SMYD3: variants seen among roughly 807,000 people sequenced by gnomAD.
SMYD3 encodes the protein histone-lysine N-methyltransferase SMYD3.
Under a neutral mutation model 57.7 loss-of-function variants are expected in SMYD3, and 36 were observed. The ratio of observed to expected loss-of-function variants is 0.62; its 90% CI spans 0.48 to 0.82. The LOEUF (loss-of-function observed/expected upper bound fraction) is 0.82, where lower values mean the gene tolerates loss of function less well. SMYD3 is among the 40% of genes least tolerant of loss of function. SMYD3 has a pLI of 0.00. For synonymous variants in SMYD3, 211 were observed against 195.0 expected, an observed-to-expected ratio of 1.08 and a Z score of -0.68; for missense variants, 515 against 538.8, an observed-to-expected ratio of 0.96 and a Z score of 0.44.
At chr1:246,071,263 T>TGG (rs1270353378) in intron 5 of SMYD3, among the ~76,000 whole-genome samples, 1 of 150,932 alleles carries the variant, frequency 6.6e-6, no homozygotes, top group African/African-American at 2.4e-5. Flanking sequence ...ATTGTGGGAG[T>TGG]GGGGATGTGT....
intron 5 of SMYD3, among the ~76,000 whole-genome samples, chr1:246,114,053 C>A: frequency 6.6e-6 from 1 of 152,146 alleles, no homozygotes; most frequent in East Asian, 1.9e-4. Flanking sequence ...CATAGTGAAG[C>A]CTACAACTTA....
intron 5 of SMYD3, among the ~76,000 whole-genome samples, chr1:246,284,165 A>G (rs1488046325): frequency 1.3e-5 from 2 of 152,160 alleles, no homozygotes; most frequent in African/African-American, 2.4e-5. Flanking sequence ...CAGATGCTGC[A>G]TATCAGCTAC....
At chr1:246,126,165 C>T (rs951348804) in intron 5 of SMYD3, among the ~76,000 whole-genome samples, 2 of 152,190 alleles carry the variant, frequency 1.3e-5, no homozygotes, top group African/African-American at 4.8e-5. Flanking sequence ...TGGACAGGAT[C>T]CCCATCTGGG....
chr1:245,881,599 G>A (rs1333671797), intron 8 of SMYD3, among the ~76,000 whole-genome samples: 1 of 152,106 alleles, frequency 6.6e-6, no homozygotes, highest in East Asian at 1.9e-4. Flanking sequence ...CACTGTATTG[G>A]GCACTGAGGA....
intron 5 of SMYD3, chr1:245,953,313 C>T: frequency 1.0e-6 from 1 of 996,142 alleles, no homozygotes; most frequent in Non-Finnish European, 1.2e-6. Flanking sequence ...CCAACTAGAC[C>T]AAAATCTTTC....
intron 5 of SMYD3, among the ~76,000 whole-genome samples, chr1:246,228,574 C>A (rs1327846680): frequency 6.6e-6 from 1 of 152,142 alleles, no homozygotes; most frequent in East Asian, 1.9e-4. Flanking sequence ...ATAGGTCAAG[C>A]TGACAGCAGC....
chr1:245,987,741 GGCACTTAA>G (rs2058731428), intron 5 of SMYD3, among the ~76,000 whole-genome samples: 1 of 152,126 alleles, frequency 6.6e-6, no homozygotes, highest in Non-Finnish European at 1.5e-5. Context: ...CCAAAGTCCC[GGCACTTAA>G]GCACCACACT....
At chr1:246,265,100 T>C (rs2064079352) in intron 5 of SMYD3, among the ~76,000 whole-genome samples, 1 of 152,236 alleles carries the variant, frequency 6.6e-6, no homozygotes, top group Non-Finnish European at 1.5e-5. Flanking sequence ...CACTGTTCTT[T>C]ATTGACAATG....
chr1:245,965,108 G>A (rs921801429), intron 5 of SMYD3, among the ~76,000 whole-genome samples: 1 of 152,070 alleles, frequency 6.6e-6, no homozygotes, highest in African/African-American at 2.4e-5. Context: ...ATACTTCAGT[G>A]GAGGTAAAAG....
At chr1:245,913,279 A>G (rs979403489) in intron 8 of SMYD3, among the ~76,000 whole-genome samples, 2 of 151,114 alleles carry the variant, frequency 1.3e-5, no homozygotes, top group East Asian at 1.9e-4. Context: ...ACCAAACACC[A>G]CATGTTCTCA....
At chr1:245,911,448 A>C (rs1172367770) in intron 8 of SMYD3, among the ~76,000 whole-genome samples, 3 of 151,994 alleles carry the variant, frequency 2.0e-5, no homozygotes, top group Non-Finnish European at 4.4e-5. Flanking sequence ...AAAATAGCCA[A>C]GGCAGGGGTC....
At chr1:246,279,375 G>C (rs1461936759) in intron 5 of SMYD3, among the ~76,000 whole-genome samples, 1 of 152,142 alleles carries the variant, frequency 6.6e-6, no homozygotes, top group Admixed American at 6.6e-5. Flanking sequence ...ACAAAAATTA[G>C]CTGGGCATGG....
intron 5 of SMYD3, among the ~76,000 whole-genome samples, chr1:246,069,864 G>A (rs1048302809): frequency 6.6e-6 from 1 of 152,166 alleles, no homozygotes; most frequent in African/African-American, 2.4e-5. Context: ...TGCTTAGATG[G>A]ACAGTGAGCT....
intron 8 of SMYD3, among the ~76,000 whole-genome samples, chr1:245,876,853 G>GCTAT (rs1334148375): frequency 1.3e-5 from 2 of 152,168 alleles, no homozygotes; most frequent in African/African-American, 4.8e-5. Context: ...TGGGAGCATA[G>GCTAT]AGGCAGAGCC....
intron 5 of SMYD3, among the ~76,000 whole-genome samples, chr1:245,954,049 G>A (rs1164739093): frequency 6.6e-6 from 1 of 152,154 alleles, no homozygotes; most frequent in African/African-American, 2.4e-5. Flanking sequence ...GAAGCAAAAT[G>A]AAACTAACAC....
At chr1:246,491,387 A>G (rs938058095) in intron 1 of SMYD3, among the ~76,000 whole-genome samples, 2 of 152,142 alleles carry the variant, frequency 1.3e-5, no homozygotes, top group African/African-American at 4.8e-5. Context: ...AAAATACAAA[A>G]AAATTAGCTA....
rs2065009056 is a variant in SMYD3, at chr1:246,307,685, C to T, written c.531+19516G>A. ...CCGCCCGCCTCGGCCTCCCAAAGTG[C>T]TGGGACTACAGGCGTGAGCCACCGC... On this transcript the variant is annotated intron_variant, in intron 5 of 11. Transcript: ENST00000490107. Among the ~76,000 whole-genome samples, 6 of 152,252 alleles carry T rather than the reference C, an allele frequency of 3.9e-5. No homozygotes were observed. In the South Asian group the frequency reaches 1.0e-3, roughly 26 times the overall value.
chr1:246,382,173 C>A (rs1186856193), intron 1 of SMYD3, among the ~76,000 whole-genome samples: 2 of 148,012 alleles, frequency 1.4e-5, no homozygotes, highest in East Asian at 2.0e-4. Flanking sequence ...TAGCCCCAAA[C>A]CCCTCCAGCT....
At chr1:246,427,553 G>C (rs866521977) in intron 1 of SMYD3, among the ~76,000 whole-genome samples, 10 of 151,586 alleles carry the variant, frequency 6.6e-5, no homozygotes, top group African/African-American at 2.2e-4. Context: ...ATAAATGTGA[G>C]CATACATACA....
Sources: gnomAD v4.1 joint callset for allele counts (sites outside exome capture counted in the v4.1 genomes callset) on GRCh38, gnomAD v4.1.1 for gene constraint, MANE v1.5 for transcripts, NCBI Gene and HGNC (gene_info 2026-07-23, HGNC 2026-07-21) for gene names.